The following SARS2 variants were observed in gnomAD, a reference collection of about 807,000 sequenced individuals.
SARS2 encodes serine--tRNA ligase, mitochondrial.
Under a neutral mutation model 66.8 loss-of-function variants are expected in SARS2, and 52 were observed. The observed-to-expected ratio is 0.78, with a 90% CI of 0.62 to 0.98. The LOEUF (loss-of-function observed/expected upper bound fraction) is 0.98. Among genes scored for constraint, SARS2 ranks in the 50% least tolerant of loss-of-function variants. The pLI, the probability that SARS2 is intolerant of heterozygous loss-of-function variation, is 0.00. For missense variants in SARS2, 673 were observed against 706.3 expected, an observed-to-expected ratio of 0.95 and a Z score of 0.53; for synonymous variants, 306 against 281.4, an observed-to-expected ratio of 1.09 and a Z score of -0.87.
intron 3 of SARS2, 78 bp downstream of exon 3, chr19:38,922,160 A>C (rs1312815025): frequency 1.2e-6 from 2 of 1,600,626 alleles, no homozygotes; most frequent in African/African-American, 2.7e-5. Flanking sequence ...TTTCTGTTAC[A>C]ATAGTAGAAT....
intron 1 of SARS2, among the ~76,000 whole-genome samples, chr19:38,927,812 A>T (rs1253358418): frequency 6.6e-6 from 1 of 151,860 alleles, no homozygotes; most frequent in African/African-American, 2.4e-5. Context: ...AGGCAGGTGG[A>T]TCACAAAGTT....
chr19:38,920,577 A>G (rs542422201), intron 5 of SARS2, among the ~76,000 whole-genome samples: 5 of 152,158 alleles, frequency 3.3e-5, no homozygotes, highest in Admixed American at 2.0e-4. Context: ...ACTCACACAC[A>G]TACATACACA....
At chr19:38,923,347 T>G (rs12972016) in intron 2 of SARS2, among the ~76,000 whole-genome samples, 2 of 138,874 alleles carry the variant, frequency 1.4e-5, no homozygotes, top group African/African-American at 2.7e-5. Flanking sequence ...TCAGCCTCCC[T>G]AGTAGCTGGG....
At position 38,930,641 on chromosome 19, in the gene SARS2, TCTC is replaced by T. The variant is rs1280758045; in HGVS notation, c.93_95del (p.Arg32del). On this transcript the variant is annotated inframe_deletion, in exon 1 of 16. Transcript: ENST00000221431. ...GGTTTCGTTTCTCTGTAGTGAAACTTCTCCTTGGACTATCGTTGGAGATGCAGC... is the reference window on the plus strand; with the variant it reads ...GGTTTCGTTTCTCTGTAGTGAAACTTCTTGGACTATCGTTGGAGATGCAGC... 2 of 1,614,004 alleles carry T rather than the reference TCTC, an allele frequency of 1.2e-6. No individual in the cohort carries two copies. Among genetic ancestry groups the T allele is most frequent in the East Asian group, 2.2e-5 (1 of 44,898 alleles).
rs1974457905 is a variant in SARS2, at chr19:38,918,408, AC to A, written c.916+13del. 1.9e-6 allele frequency: 3 copies of A among 1,586,778 alleles called. No homozygotes were observed. The African/African-American group carries it at 5.2e-5, about 27-fold the overall frequency. Reference sequence around the variant, plus strand: ...TCACTCCTGCTCCTCCCCACCACCCACACAGGTCCTCACCTGCAAGCCCCAC... The same window carrying A: ...TCACTCCTGCTCCTCCCCACCACCCAACAGGTCCTCACCTGCAAGCCCCAC... On this transcript the variant is annotated intron_variant, in intron 9 of 15. Transcript: ENST00000221431.
In SARS2 at chr19:38,918,456, G is replaced by C. The variant is rs1974459134; in HGVS notation, c.882C>G (p.Leu294=). ...CCACCTCCGCTGTTCCAGCCAGGTT[G>C]AGATCTTTGAAGCGGGCAGGGTCGA... ...YNIDPARFKD[L]NLAGTAEVGL... is the part of the protein sequence containing the mutation. The change falls in exon 9 of 16, where the codon CTC becomes CTG. Residue 294 remains leucine (L), a synonymous_variant. Coordinates refer to ENST00000221431, the MANE Select transcript of SARS2 (RefSeq NM_017827.4). The C allele has an allele frequency of 4.3e-6, 7 of 1,614,198 alleles. No individual in the cohort carries two copies. The highest frequency in any genetic ancestry group is 5.9e-6 in the Non-Finnish European group (7 of 1,180,020).
chr19:38,916,167 T>TG (rs148495508), intron 13 of SARS2, 38 bp from the exon 14 acceptor site: 3 of 1,612,996 alleles, frequency 1.9e-6, no homozygotes, highest in Admixed American at 1.7e-5. Context: ...GGATCAGGGA[T>TG]GGGGGGCAGG....
Position 38,918,142 on chromosome 19 carries a change from GGGA to G in SARS2, c.917-6_917-4del. The G allele has an allele frequency of 1.3e-6, 2 of 1,595,338 alleles. No individual in the cohort carries two copies. The highest frequency in any genetic ancestry group is 4.5e-5 in the East Asian group (2 of 44,086). On this transcript the variant is annotated splice_polypyrimidine_tract_variant and splice_region_variant and intron_variant, in intron 9 of 15. Transcript: ENST00000221431. ...CACGGTGTGGTCCATGAAGTAGCCT[GGGA>G]GGAGAGACCACAGGGTGAGCCAGGG... is the stretch of plus-strand genomic sequence containing the variant.
intron 5 of SARS2, among the ~76,000 whole-genome samples, chr19:38,920,892 C>T (rs900935718): frequency 6.6e-6 from 1 of 151,762 alleles, no homozygotes; most frequent in Non-Finnish European, 1.5e-5. Flanking sequence ...CAGACACACA[C>T]ACACACAAAC....
chr19:38,921,781 A>G (rs1974541853), intron 3 of SARS2, 114 bp from the exon 4 acceptor site: 3 of 1,469,174 alleles, frequency 2.0e-6, no homozygotes, highest in Non-Finnish European at 2.8e-6. Context: ...CCTCTTCTCC[A>G]GGCCCAGGAT....
At chr19:38,915,818 G>A in intron 15 of SARS2, 23 bp downstream of exon 15, 1 of 1,613,344 alleles carries the variant, frequency 6.2e-7, no homozygotes, top group Non-Finnish European at 8.5e-7. Context: ...CTGCCTCTCT[G>A]GGTGGGCCCC....
At chr19:38,927,426 G>A (rs1974646783) in intron 1 of SARS2, among the ~76,000 whole-genome samples, 1 of 151,674 alleles carries the variant, frequency 6.6e-6, no homozygotes, top group Non-Finnish European at 1.5e-5. Context: ...TGGGCATGGT[G>A]GCACATGCTT....
chr19:38,923,060 C>T (rs886963309), intron 2 of SARS2, among the ~76,000 whole-genome samples: 4 of 97,758 alleles, frequency 4.1e-5, no homozygotes, highest in East Asian at 4.4e-4. Context: ...CCCGCCACCA[C>T]GATCGGCTAA....
intron 1 of SARS2, 31 bp downstream of exon 1, chr19:38,930,439 T>C (rs752970802): frequency 1.3e-6 from 2 of 1,576,936 alleles, no homozygotes; most frequent in East Asian, 2.3e-5. Context: ...AGCAAACGTC[T>C]GCGCCCCCCG....
chr19:38,920,406 G>T (rs894713346), intron 5 of SARS2, among the ~76,000 whole-genome samples: 33 of 151,796 alleles, frequency 2.2e-4, no homozygotes, highest in African/African-American at 8.0e-4. Flanking sequence ...GCGGGGTGGG[G>T]AAGGCAGAGT....
Position 38,915,774 on chromosome 19 carries a change from C to A in SARS2, c.1414-25G>T, listed in dbSNP as rs757508122. 10 of 1,612,782 alleles carry A rather than the reference C, an allele frequency of 6.2e-6. No homozygotes were observed. In the South Asian group the frequency reaches 9.9e-5, roughly 16 times the overall value. ...CCTGGGGACAGAGCAGACCTCAGGA[C>A]ACTGCAGATGCCCCAGCCCTCCCCG... On this transcript the variant is annotated intron_variant, in intron 15 of 15. Coordinates refer to ENST00000221431, the MANE Select transcript of SARS2 (RefSeq NM_017827.4).
At chr19:38,918,254 G>C in intron 9 of SARS2, 115 bp from the exon 10 acceptor site, 4 of 1,220,934 alleles carry the variant, frequency 3.3e-6, no homozygotes, top group Non-Finnish European at 4.7e-6. Flanking sequence ...CCCGGGGCTG[G>C]ATTATCACTG....
intron 12 of SARS2, 33 bp downstream of exon 12, chr19:38,917,691 T>G: frequency 8.3e-6 from 6 of 726,918 alleles, no homozygotes; most frequent in Non-Finnish European, 9.8e-6. Context: ...ACCCCACCCC[T>G]GCCATCCCTG....
At chr19:38,921,314 C>A in intron 5 of SARS2, 78 bp downstream of exon 5, 1 of 1,482,348 alleles carries the variant, frequency 6.7e-7, no homozygotes, top group Non-Finnish European at 9.3e-7. Context: ...TTCCCAGACC[C>A]CAGGGGCCCC....
Sources: allele counts gnomAD v4.1 joint callset (sites outside exome capture counted in the v4.1 genomes callset), GRCh38; gene constraint gnomAD v4.1.1; transcripts MANE v1.5; gene names NCBI Gene and HGNC (gene_info 2026-07-23, HGNC 2026-07-21).